The following CASP5 variants were observed in gnomAD, a reference collection of about 807,000 sequenced individuals.
The protein encoded by CASP5 is caspase 5, also known as caspase-5.
A neutral mutation model predicts 45.2 loss-of-function variants in CASP5; 42 were observed. That is an observed-to-expected ratio of 0.93 (90% CI 0.73 to 1.20). The LOEUF (loss-of-function observed/expected upper bound fraction) is 1.20, where lower values mean the gene tolerates loss of function less well. Among genes scored for constraint, CASP5 ranks in the 50% most tolerant of loss-of-function variants. The probability of loss-of-function intolerance (pLI) is 0.00; values close to 1 mark genes in which losing one functional copy is unlikely to be tolerated. For synonymous variants in CASP5, 209 were observed against 186.2 expected (o/e 1.12, Z -1.00); for missense variants, 512 against 532.2 (o/e 0.96, Z 0.37).
At chr11:105,019,852 A>G (rs1862849486) in intron 1 of CASP5, among the ~76,000 whole-genome samples, 1 of 145,530 alleles carries the variant, frequency 6.9e-6, no homozygotes, top group Admixed American at 7.3e-5. Context: ...AGACACAACC[A>G]AAAAAGAGAA....
chr11:105,022,577 A>G (rs779852039), intron 1 of CASP5, among the ~76,000 whole-genome samples: 6 of 152,124 alleles, frequency 3.9e-5, no homozygotes, highest in Non-Finnish European at 7.4e-5. Context: ...TGGGAGTGGG[A>G]AGACAGTTAA....
Position 104,996,894 on chromosome 11 carries a change from T to C in CASP5, c.1206+489A>G, listed in dbSNP as rs1861492904. ...TTTCCCATGGAAAGAGTGATTTCTT[T>C]TTTATTCCCTGTTACATGCCTTTAT... On this transcript the variant is annotated intron_variant, in intron 8 of 9. Transcript: ENST00000260315. Among the ~76,000 whole-genome samples the C allele has an allele frequency of 2.0e-5, 3 of 152,158 alleles. No homozygotes were observed. The South Asian group carries it at 6.2e-4, about 31-fold the overall frequency.
At chr11:104,994,796 A>C (rs1257744500) in intron 9 of CASP5, among the ~76,000 whole-genome samples, 3 of 152,204 alleles carry the variant, frequency 2.0e-5, no homozygotes, top group Non-Finnish European at 4.4e-5. Flanking sequence ...TCTCCTGCAT[A>C]AGAACCACAT....
Position 105,002,115 on chromosome 11 carries a change from A to G in CASP5, c.630T>C (p.Asn210=). 1 of 1,614,088 alleles carries G rather than the reference A, an allele frequency of 6.2e-7. No individual in the cohort carries two copies. Among genetic ancestry groups the G allele is most frequent in the South Asian group, 1.1e-5 (1 of 91,080 alleles). ...NTKFDHLPAR[N]GAHYDIVGMK... is the part of the protein sequence containing the mutation. ...TCCCCACGATGTCATAGTGAGCCCC[A>G]TTCCTTGCAGGCAGGTGATCAAACT... Residue 210 remains asparagine (N), a synonymous_variant, in exon 5 of 10, where the codon AAT becomes AAC. Transcript: ENST00000260315.
intron 3 of CASP5, among the ~76,000 whole-genome samples, chr11:105,005,919 C>T (rs1174753908): frequency 6.6e-6 from 1 of 152,136 alleles, no homozygotes; most frequent in African/African-American, 2.4e-5. Context: ...TGCCTAAAAT[C>T]TTGGACAACT....
rs552821013 is a variant in CASP5, at chr11:104,996,528, T to A, written c.1207-686A>T. Among the ~76,000 whole-genome samples the A allele has an allele frequency of 1.3e-4, 20 of 152,330 alleles. 1 individual carries two copies. Among genetic ancestry groups the A allele is most frequent in the Middle Eastern group, 6.8e-3 (2 of 294 alleles). ...AAGAGTTTTACTGTTCTCTATAATT[T>A]TTAATTTAGAAACAACCACACTTTC... On this transcript the variant is annotated intron_variant, in intron 8 of 9. Coordinates refer to ENST00000260315, the MANE Select transcript of CASP5 (RefSeq NM_004347.5).
intron 3 of CASP5, among the ~76,000 whole-genome samples, chr11:105,004,368 C>T (rs2134711249): frequency 6.6e-6 from 1 of 152,218 alleles, no homozygotes; most frequent in East Asian, 1.9e-4. Flanking sequence ...GATCTATCCC[C>T]TTGTGAAATG....
At chr11:105,022,017 G>A (rs890284559) in intron 1 of CASP5, among the ~76,000 whole-genome samples, 3 of 150,988 alleles carry the variant, frequency 2.0e-5, no homozygotes, top group African/African-American at 7.3e-5. Flanking sequence ...GTAGGGACAT[G>A]GATGAAATTG....
intron 1 of CASP5, among the ~76,000 whole-genome samples, chr11:105,010,014 AAAAGCC>A (rs1490384135): frequency 1.3e-5 from 2 of 150,456 alleles, no homozygotes; most frequent in Non-Finnish European, 3.0e-5. Flanking sequence ...TTGTATGTGG[AAAAGCC>A]AGATATCTCC....
Position 105,003,306 on chromosome 11 carries a change from A to T in CASP5, c.511T>A (p.Phe171Ile). The T allele has an allele frequency of 6.2e-7, 1 of 1,607,570 alleles. No homozygotes were observed. The highest frequency in any genetic ancestry group is 8.5e-7 in the Non-Finnish European group (1 of 1,176,822). ...NILKLCPREE[F>I]LRLCKKNHDE... ...TGATTTTTTTTACACAGTCTCAGGA[A>T]TTCTTCACGAGGACAAAGTTTGAGT... is the stretch of plus-strand genomic sequence containing the variant. The change falls in exon 4 of 10, where the codon TTC (phenylalanine) becomes ATC (isoleucine). Residue 171 changes from phenylalanine to isoleucine, a missense_variant. Phe to Ile is a conservative substitution (Grantham distance 21, BLOSUM62 0). Coordinates refer to ENST00000260315, the MANE Select transcript of CASP5 (RefSeq NM_004347.5).
chr11:105,017,807 G>A (rs1048585667), intron 1 of CASP5, among the ~76,000 whole-genome samples: 1 of 151,796 alleles, frequency 6.6e-6, no homozygotes, highest in Non-Finnish European at 1.5e-5. Context: ...TACAGAGAAT[G>A]CCACAAAGAT....
chr11:105,010,585 GTAGTA>G (rs891401541), intron 1 of CASP5, among the ~76,000 whole-genome samples: 1 of 150,794 alleles, frequency 6.6e-6, no homozygotes, highest in Non-Finnish European at 1.5e-5. Flanking sequence ...TTTACAAATA[GTAGTA>G]TACTGGACTC....
At chr11:105,003,250 C>G in intron 4 of CASP5, 24 bp downstream of exon 4, 1 of 1,306,396 alleles carries the variant, frequency 7.7e-7, no homozygotes, top group Non-Finnish European at 1.1e-6. Context: ...TCTTCTTCCC[C>G]ATTTCATACA....
In CASP5 at chr11:105,023,107, G is replaced by C. The variant is rs113540818; in HGVS notation, c.7+23C>G. On this transcript the variant is annotated intron_variant, in intron 1 of 9. Coordinates refer to ENST00000260315, the MANE Select transcript of CASP5 (RefSeq NM_004347.5). ...CTAAGACCTGAGTACCCAGCTGCTA[G>C]TCAGAAAAGGGCCCAGACTCACCAG... is the stretch of plus-strand genomic sequence containing the variant. 58 of 1,550,466 alleles carry C rather than the reference G, an allele frequency of 3.7e-5. No homozygotes were observed. In the African/African-American group the frequency reaches 6.6e-4, roughly 18 times the overall value.
At chr11:104,996,008 G>A (rs985893019) in intron 8 of CASP5, among the ~76,000 whole-genome samples, 166 bp from the exon 9 acceptor site, 1 of 152,036 alleles carries the variant, frequency 6.6e-6, no homozygotes, top group African/African-American at 2.4e-5. Context: ...TCTTAGAATT[G>A]ACACCCCATG....
At position 105,023,036 on chromosome 11, in the gene CASP5, C is replaced by G. The variant is rs543413529; in HGVS notation, c.7+94G>C. The stretch of plus-strand genomic sequence containing the variant: ...AGCATGCACACTATTGGTTGATTTC[C>G]CTTTTGGTATTTCTGCCTGTCACAT... On this transcript the variant is annotated intron_variant, in intron 1 of 9. Coordinates refer to ENST00000260315, the MANE Select transcript of CASP5 (RefSeq NM_004347.5). The G allele has an allele frequency of 4.5e-4, 529 of 1,172,522 alleles. 2 individuals carry two copies. The highest frequency in any genetic ancestry group is 2.9e-4 in the Non-Finnish European group (236 of 801,924). The allele number at this position is 1,172,522 out of a possible 1,614,324, so 72.6% of individuals were successfully genotyped here. A position where few individuals can be genotyped will look rare whatever the true frequency, so the allele number is the denominator to read the frequency against.
intron 7 of CASP5, among the ~76,000 whole-genome samples, chr11:104,998,405 CT>C (rs538019530): frequency 6.6e-6 from 1 of 152,088 alleles, no homozygotes; most frequent in Non-Finnish European, 1.5e-5. Context: ...CATTTCTTAC[CT>C]TTTTTAAAGC....
rs773712630 is a variant in CASP5 at position 105,002,078 on chromosome 11, G to A, written c.667C>T (p.Leu223Phe). The A allele has an allele frequency of 1.5e-5, 24 of 1,614,036 alleles. No homozygotes were observed. The African/African-American group carries it at 2.5e-4, about 17-fold the overall frequency. ...HYDIVGMKRLLQGLGYTVVDE... is the reference protein window; with the variant it reads ...HYDIVGMKRLFQGLGYTVVDE... ...ACCACAGTGTAGCCCAGGCCTTGAA[G>A]CAGCCTTTTCATCCCCACGATGTCA... Residue 223 changes from leucine (L) to phenylalanine (F), a missense_variant, in exon 5 of 10, where the codon CTT (leucine) becomes TTT (phenylalanine). Transcript: ENST00000260315.
At chr11:105,021,851 A>G (rs1256052217) in intron 1 of CASP5, among the ~76,000 whole-genome samples, 1 of 150,530 alleles carries the variant, frequency 6.6e-6, no homozygotes, top group African/African-American at 2.4e-5. Flanking sequence ...CTATAAAGAC[A>G]CATGCACACG....
Sources: gnomAD v4.1 joint callset for allele counts (sites outside exome capture counted in the v4.1 genomes callset) on GRCh38, gnomAD v4.1.1 for gene constraint, MANE v1.5 for transcripts, NCBI Gene and HGNC (gene_info 2026-07-23, HGNC 2026-07-21) for gene names.